SLC25A13: variants seen among roughly 807,000 people sequenced by gnomAD.
The protein encoded by SLC25A13 is solute carrier family 25 member 13.
SLC25A13 carries 70 observed loss-of-function variants against 85.5 expected under a neutral mutation model. The observed-to-expected ratio is 0.82, with a 90% CI of 0.68 to 1.00. SLC25A13 has a LOEUF of 1.00. Among genes scored for constraint, SLC25A13 ranks in the 50% least tolerant of loss-of-function variants. The probability of loss-of-function intolerance (pLI) is 0.00; values close to 1 mark genes in which losing one functional copy is unlikely to be tolerated. For missense variants in SLC25A13, 765 were observed against 819.8 expected, an observed-to-expected ratio of 0.93 and a Z score of 0.82; for synonymous variants, 259 against 288.7, an observed-to-expected ratio of 0.90 and a Z score of 1.04.
At chr7:96,207,270 A>G (rs565998079) in intron 5 of SLC25A13, among the ~76,000 whole-genome samples, 7 of 152,238 alleles carry the variant, frequency 4.6e-5, no homozygotes, top group Non-Finnish European at 1.0e-4. Context: ...TCATAATAAT[A>G]CCATGAAAAT....
At chr7:96,146,738 G>A (rs772435881) in intron 13 of SLC25A13, 42 bp from the exon 14 acceptor site, 4 of 1,606,506 alleles carry the variant, frequency 2.5e-6, no homozygotes, top group Non-Finnish European at 3.4e-6. Context: ...GCAAAGAAAT[G>A]GTAAGGTGGG....
At position 96,131,003 on chromosome 7, in the gene SLC25A13, G is replaced by A. The variant is rs889076137; in HGVS notation, c.1591+740C>T. ...TGGAGACTCTAGTTACATATCTGATGAGAATAGCACAGGTATCAAAAATGT... is the reference window on the plus strand; with the variant it reads ...TGGAGACTCTAGTTACATATCTGATAAGAATAGCACAGGTATCAAAAATGT... On this transcript the variant is annotated intron_variant, in intron 15 of 17. Transcript: ENST00000265631. 4.6e-5 allele frequency among the ~76,000 whole-genome samples: 7 copies of A among 152,144 alleles called. No individual in the cohort carries two copies. In the South Asian group the frequency reaches 1.0e-3, roughly 23 times the overall value.
rs180924107 is a variant in SLC25A13 at position 96,146,826 on chromosome 7, A to G, written c.1312-130T>C. On this transcript the variant is annotated intron_variant, in intron 13 of 17. Coordinates refer to ENST00000265631, the MANE Select transcript of SLC25A13 (RefSeq NM_014251.3). ...AGAATGTAGTTTCAGCCCTTGTCCC[A>G]TCAATCAAAACGGTTAGGGATTACA... 1.9e-3 allele frequency: 2,135 copies of G among 1,138,316 alleles called. 6 individuals carry two copies. Among genetic ancestry groups the G allele is most frequent in the Middle Eastern group, 2.4e-3 (9 of 3,702 alleles). The allele number at this position is 1,138,316 out of a possible 1,614,324, so 70.5% of individuals were successfully genotyped here.
chr7:96,259,771 G>A (rs186062619), intron 3 of SLC25A13, among the ~76,000 whole-genome samples: 42 of 152,268 alleles, frequency 2.8e-4, no homozygotes, highest in African/African-American at 8.4e-4. Flanking sequence ...GTTTATGGCA[G>A]TACTATTCAC....
chr7:96,295,874 T>C (rs1562913104), intron 2 of SLC25A13, among the ~76,000 whole-genome samples: 1 of 150,722 alleles, frequency 6.6e-6, no homozygotes, highest in Non-Finnish European at 1.5e-5. Context: ...TAATATATCA[T>C]ATATGTGTGT....
intron 13 of SLC25A13, among the ~76,000 whole-genome samples, chr7:96,149,526 G>A: frequency 6.6e-6 from 1 of 152,206 alleles, no homozygotes; most frequent in Non-Finnish European, 1.5e-5. Flanking sequence ...ACTTCAGAGA[G>A]CTGCAGGAGG....
chr7:96,306,838 G>T, intron 1 of SLC25A13: 1 of 1,394,930 alleles, frequency 7.2e-7, no homozygotes, highest in East Asian at 2.3e-5. Context: ...AGCAGAAGCA[G>T]AAAAAGGCAA....
intron 3 of SLC25A13, among the ~76,000 whole-genome samples, chr7:96,267,860 T>C (rs1347917735): frequency 6.6e-6 from 1 of 151,832 alleles, no homozygotes; most frequent in Admixed American, 6.6e-5. Flanking sequence ...TACAACAAAG[T>C]GGCAGGGGGC....
chr7:96,246,698 C>T (rs1443154952), intron 3 of SLC25A13, among the ~76,000 whole-genome samples: 1 of 152,162 alleles, frequency 6.6e-6, no homozygotes, highest in Non-Finnish European at 1.5e-5. Context: ...TGGATACACA[C>T]AAAACCTCTC....
rs574274979 is a variant in SLC25A13, at chr7:96,234,043, A to C, written c.328+759T>G. Among the ~76,000 whole-genome samples, 5 of 152,362 alleles carry C rather than the reference A, an allele frequency of 3.3e-5. No homozygotes were observed. The East Asian group carries it at 9.6e-4, about 29-fold the overall frequency. On this transcript the variant is annotated intron_variant, in intron 4 of 17. Transcript: ENST00000265631. ...ATGAGCAATGCTACTGCAGATTTGC[A>C]TGCAGAGACAACATATGCTGGACAC...
At chr7:96,267,182 A>G (rs1304921020) in intron 3 of SLC25A13, among the ~76,000 whole-genome samples, 1 of 152,184 alleles carries the variant, frequency 6.6e-6, no homozygotes, top group Non-Finnish European at 1.5e-5. Flanking sequence ...TTCTTTAAGT[A>G]TTGCCAATTG....
At chr7:96,188,692 C>T (rs922220708) in intron 9 of SLC25A13, among the ~76,000 whole-genome samples, 2 of 152,218 alleles carry the variant, frequency 1.3e-5, no homozygotes, top group African/African-American at 4.8e-5. Context: ...AAGTTTCTGA[C>T]TCCCACAACT....
chr7:96,245,385 AT>A (rs1263418332), intron 3 of SLC25A13, among the ~76,000 whole-genome samples: 3 of 152,184 alleles, frequency 2.0e-5, no homozygotes, highest in African/African-American at 7.2e-5. Context: ...AAATGCTCCG[AT>A]CACGGCCAAT....
At chr7:96,180,060 C>T (rs1207953081) in intron 11 of SLC25A13, among the ~76,000 whole-genome samples, 2 of 152,180 alleles carry the variant, frequency 1.3e-5, no homozygotes, top group Non-Finnish European at 1.5e-5. Flanking sequence ...CTCTAGATGT[C>T]ACCTTGAGAA....
At chr7:96,189,450 C>T (rs1794760465) in intron 8 of SLC25A13, 72 bp from the exon 9 acceptor site, 1 of 1,561,914 alleles carries the variant, frequency 6.4e-7, no homozygotes, top group East Asian at 2.3e-5. Context: ...AATTTAAAAA[C>T]ATCCCTTTTT....
In SLC25A13 at chr7:96,121,217, A is replaced by G; in HGVS notation, c.2002T>C (p.Ser668Pro). 1 of 1,614,164 alleles carries G rather than the reference A, an allele frequency of 6.2e-7. No individual in the cohort carries two copies. Among genetic ancestry groups the G allele is most frequent in the Non-Finnish European group, 8.5e-7 (1 of 1,180,018 alleles). ...LPLFKPSVSTSKAIGGGP is the reference protein window; with the variant it reads ...LPLFKPSVSTPKAIGGGP ...TATGGGCCTCCACCAATAGCCTTTG[A>G]GGTAGATACTGATGGCTTGAAGAGA... The change falls in exon 18 of 18, where the codon TCA becomes CCA. Residue 668 changes from serine (S) to proline (P), a missense_variant. Transcript: ENST00000265631.
chr7:96,141,160 C>A (rs1433846215), intron 14 of SLC25A13, among the ~76,000 whole-genome samples: 2 of 151,806 alleles, frequency 1.3e-5, no homozygotes, highest in African/African-American at 4.8e-5. Context: ...GTAGCTGGGA[C>A]TACAGATGTG....
intron 12 of SLC25A13, 32 bp from the exon 13 acceptor site, chr7:96,170,157 A>G: frequency 5.7e-6 from 9 of 1,583,250 alleles, no homozygotes; most frequent in Non-Finnish European, 7.8e-6. Flanking sequence ...AAGCTGATGA[A>G]AAATATAAAG....
At chr7:96,291,573 C>T (rs968956466) in intron 2 of SLC25A13, among the ~76,000 whole-genome samples, 4 of 151,880 alleles carry the variant, frequency 2.6e-5, no homozygotes, top group Non-Finnish European at 5.9e-5. Flanking sequence ...TAAATAGACG[C>T]AATAAAAAAT....
Sources: allele counts gnomAD v4.1 joint callset (sites outside exome capture counted in the v4.1 genomes callset), GRCh38; gene constraint gnomAD v4.1.1; transcripts MANE v1.5; gene names NCBI Gene and HGNC (gene_info 2026-07-23, HGNC 2026-07-21).